COP1: variants seen among roughly 807,000 people sequenced by gnomAD.
The protein encoded by COP1 is E3 ubiquitin-protein ligase COP1.
A neutral mutation model predicts 101.3 loss-of-function variants in COP1; 24 were observed. The observed-to-expected ratio is 0.24, with a 90% CI of 0.17 to 0.33. The LOEUF is 0.33. COP1 is among the 10% of genes least tolerant of loss of function. The pLI is 1.00. For missense variants in COP1, 663 were observed against 906.2 expected, an observed-to-expected ratio of 0.73 and a Z score of 3.45; for synonymous variants, 347 against 341.9, an observed-to-expected ratio of 1.01 and a Z score of -0.17.
chr1:176,177,959 AG>A (rs1440661739), intron 2 of COP1, among the ~76,000 whole-genome samples: 2 of 152,206 alleles, frequency 1.3e-5, no homozygotes, highest in Non-Finnish European at 2.9e-5. Flanking sequence ...AGTAAATGCC[AG>A]GCACATAACG....
chr1:175,992,864 C>T (rs1465631344), intron 15 of COP1, among the ~76,000 whole-genome samples: 2 of 152,190 alleles, frequency 1.3e-5, no homozygotes, highest in African/African-American at 4.8e-5. Context: ...TTAAATGTCC[C>T]TGTCTGACAG....
At chr1:176,121,332 G>A (rs1352647257) in intron 8 of COP1, among the ~76,000 whole-genome samples, 1 of 151,990 alleles carries the variant, frequency 6.6e-6, no homozygotes, top group Non-Finnish European at 1.5e-5. Flanking sequence ...AGAGATATTA[G>A]AAATCATTCT....
chr1:176,111,622 C>T (rs1402998444), intron 9 of COP1, among the ~76,000 whole-genome samples: 2 of 152,124 alleles, frequency 1.3e-5, no homozygotes, highest in Non-Finnish European at 2.9e-5. Context: ...ACAGATTTTG[C>T]TTTACATAAA....
chr1:176,008,030 G>T (rs1206430253), intron 15 of COP1, among the ~76,000 whole-genome samples: 1 of 152,186 alleles, frequency 6.6e-6, no homozygotes, highest in Non-Finnish European at 1.5e-5. Context: ...AGCCAGGTGC[G>T]GGATATAATC....
At chr1:175,945,450 A>T (rs1649047245) in intron 19 of COP1, among the ~76,000 whole-genome samples, 1 of 152,246 alleles carries the variant, frequency 6.6e-6, no homozygotes, top group South Asian at 2.1e-4. Context: ...GCTAATGCAT[A>T]GCACAAATAC....
chr1:176,150,477 C>G (rs2149833055), intron 5 of COP1, among the ~76,000 whole-genome samples: 1 of 152,306 alleles, frequency 6.6e-6, no homozygotes, highest in East Asian at 1.9e-4. Context: ...TCACACAGAA[C>G]AAACTCACAT....
intron 15 of COP1, among the ~76,000 whole-genome samples, chr1:176,006,717 C>T (rs979678625): frequency 4.6e-5 from 7 of 152,258 alleles, no homozygotes; most frequent in Admixed American, 6.5e-5. Flanking sequence ...CCGAGAGATC[C>T]GCTGTTAGTC....
At position 176,032,668 on chromosome 1, in the gene COP1, T is replaced by C. The variant is rs145027916; in HGVS notation, c.1613-4980A>G. The stretch of plus-strand genomic sequence containing the variant: ...ATGTGGGCTTGTGACAACGCAGATG[T>C]TTCTCCCAAACCAAGCGACTGCGAA... On this transcript the variant is annotated intron_variant, in intron 14 of 19. Transcript: ENST00000367669. Among the ~76,000 whole-genome samples the C allele has an allele frequency of 4.5e-3, 685 of 152,164 alleles. 8 individuals are homozygous for C. The highest frequency in any genetic ancestry group is 0.016 in the African/African-American group (644 of 41,518).
At chr1:176,007,557 C>G (rs1458063077) in intron 15 of COP1, among the ~76,000 whole-genome samples, 3 of 150,992 alleles carry the variant, frequency 2.0e-5, no homozygotes, top group African/African-American at 7.3e-5. Flanking sequence ...AGTTTTCCTT[C>G]TAACAGACAG....
In COP1 at chr1:176,108,103, G is replaced by T. The variant is rs145361393; in HGVS notation, c.1026+8521C>A. On this transcript the variant is annotated intron_variant, in intron 9 of 19. Transcript: ENST00000367669. ...AATTTAATTTGTAAAAAATTAAAAA[G>T]TAAAAATTTTAGGTTTTCTGAGATA... is the stretch of plus-strand genomic sequence containing the variant. 2.6e-3 allele frequency among the ~76,000 whole-genome samples: 398 copies of T among 151,558 alleles called. 3 individuals carry two copies. Among genetic ancestry groups the T allele is most frequent in the African/African-American group, 9.2e-3 (380 of 41,304 alleles).
chr1:176,008,251 C>G (rs574819293), intron 15 of COP1, among the ~76,000 whole-genome samples: 1 of 152,316 alleles, frequency 6.6e-6, no homozygotes, highest in South Asian at 2.1e-4. Context: ...TCTGGCACTT[C>G]CTAGTGAGAT....
In COP1 at chr1:176,186,354, TAAAA is replaced by T. The variant is rs528697596; in HGVS notation, c.408-1666_408-1663del. ...GACCTCATCTCTACAAAAAAAAAAT[TAAAA>T]AAAAAAACACAAAAACTAGCAAGCA... On this transcript the variant is annotated intron_variant, in intron 1 of 19. Transcript: ENST00000367669. Among the ~76,000 whole-genome samples the T allele has an allele frequency of 6.0e-3, 842 of 141,108 alleles. 4 individuals are homozygous for T. Among genetic ancestry groups the T allele is most frequent in the African/African-American group, 0.021 (799 of 38,456 alleles). The allele number at this position is 141,108 out of a possible 152,430, so 92.6% of individuals were successfully genotyped here.
intron 15 of COP1, among the ~76,000 whole-genome samples, chr1:176,024,325 G>A (rs570255692): frequency 6.6e-6 from 1 of 152,108 alleles, no homozygotes; most frequent in Non-Finnish European, 1.5e-5. Context: ...TACTTGAAAA[G>A]CTGGTTTAAT....
intron 9 of COP1, among the ~76,000 whole-genome samples, chr1:176,106,176 A>G (rs1177379172): frequency 6.6e-6 from 1 of 152,046 alleles, no homozygotes; most frequent in African/African-American, 2.4e-5. Context: ...GATTACAGGC[A>G]TACATCACCA....
chr1:176,139,611 C>A (rs989001160), intron 6 of COP1, among the ~76,000 whole-genome samples: 6 of 152,124 alleles, frequency 3.9e-5, no homozygotes, highest in African/African-American at 1.4e-4. Context: ...TACAGAGACA[C>A]CGTGGAATAC....
rs1202219789 is a variant in COP1, at chr1:176,149,069, T to G, written c.768A>C (p.Ser256=). The change falls in exon 6 of 20, where the codon TCA becomes TCC. Residue 256 remains serine (S), a synonymous_variant. Coordinates refer to ENST00000367669, the MANE Select transcript of COP1 (RefSeq NM_022457.7). ...VQKKKQLEAE[S]HAAQLQILME... ...TAAGAATCTGTAGTTGGGCTGCATGTGATTCCTACAATAGAAAATTATAAT... is the reference window on the plus strand; with the variant it reads ...TAAGAATCTGTAGTTGGGCTGCATGGGATTCCTACAATAGAAAATTATAAT... 1 of 1,571,442 alleles carries G rather than the reference T, an allele frequency of 6.4e-7. No individual in the cohort carries two copies. The highest frequency in any genetic ancestry group is 8.7e-7 in the Non-Finnish European group (1 of 1,153,864).
intron 1 of COP1, among the ~76,000 whole-genome samples, chr1:176,186,668 A>G (rs1698485201): frequency 6.6e-6 from 1 of 152,252 alleles, no homozygotes; most frequent in African/African-American, 2.4e-5. Flanking sequence ...GATTTGACAC[A>G]GTAATGAACC....
intron 15 of COP1, among the ~76,000 whole-genome samples, chr1:176,008,069 G>A (rs1048673755): frequency 3.9e-5 from 6 of 152,168 alleles, no homozygotes; most frequent in East Asian, 1.9e-4. Context: ...TAAGCCGGTC[G>A]GAAAAGCGCA....
At chr1:176,139,306 AAAG>A (rs1344913424) in intron 6 of COP1, among the ~76,000 whole-genome samples, 3 of 151,046 alleles carry the variant, frequency 2.0e-5, no homozygotes, top group Non-Finnish European at 4.4e-5. Context: ...AAAAACAAAA[AAAG>A]AGATGCTGGT....
Sources: gnomAD v4.1 joint callset for allele counts (sites outside exome capture counted in the v4.1 genomes callset) on GRCh38, gnomAD v4.1.1 for gene constraint, MANE v1.5 for transcripts, NCBI Gene and HGNC (gene_info 2026-07-23, HGNC 2026-07-21) for gene names.